The following KCNIP1 variants were observed in gnomAD, a reference collection of about 807,000 sequenced individuals.
The protein encoded by KCNIP1 is A-type potassium channel modulatory protein KCNIP1.
In KCNIP1, 18 loss-of-function variants were observed where a neutral mutation model predicts 33.0. That is an observed-to-expected ratio of 0.55 (90% CI 0.38 to 0.81). KCNIP1 has a LOEUF of 0.81. Among genes scored for constraint, KCNIP1 ranks in the 30% least tolerant of loss-of-function variants. The pLI is 0.00. For missense variants in KCNIP1, 238 were observed against 271.6 expected (o/e 0.88, Z 0.87); for synonymous variants, 93 against 98.3 (o/e 0.95, Z 0.32).
At chr5:170,437,832 C>T (rs537950272) in intron 1 of KCNIP1, among the ~76,000 whole-genome samples, 1 of 152,350 alleles carries the variant, frequency 6.6e-6, no homozygotes, top group African/African-American at 2.4e-5. Flanking sequence ...ACCTCTGGGC[C>T]TTTGCACAGC....
At chr5:170,562,564 T>C (rs879388882) in intron 1 of KCNIP1, among the ~76,000 whole-genome samples, 3 of 152,138 alleles carry the variant, frequency 2.0e-5, no homozygotes, top group Non-Finnish European at 4.4e-5. Flanking sequence ...GCTCAGTGGG[T>C]CCCCGCAAAT....
chr5:170,645,251 T>C (rs1467032893), intron 1 of KCNIP1, among the ~76,000 whole-genome samples: 2 of 152,206 alleles, frequency 1.3e-5, no homozygotes, highest in Non-Finnish European at 2.9e-5. Flanking sequence ...AGGCTTTAAA[T>C]GGGGAACAGG....
intron 1 of KCNIP1, among the ~76,000 whole-genome samples, chr5:170,574,161 A>G (rs1196648877): frequency 6.6e-6 from 1 of 152,180 alleles, no homozygotes; most frequent in Non-Finnish European, 1.5e-5. Context: ...AAGTCCTCAC[A>G]TTATTGTCTA....
Position 170,429,487 on chromosome 5 carries a change from A to G in KCNIP1, c.88+75523A>G, listed in dbSNP as rs1191378210. Among the ~76,000 whole-genome samples, 5 of 152,082 alleles carry G rather than the reference A, an allele frequency of 3.3e-5. No individual in the cohort carries two copies. The South Asian group carries it at 8.3e-4, about 25-fold the overall frequency. On this transcript the variant is annotated intron_variant, in intron 1 of 7. Coordinates refer to the KCNIP1 transcript ENST00000377360. ...TTTCAAATTCTTGTTGTACAAATTT[A>G]TGGGGGACATCTGCAGTTTTGTCAC... is the stretch of plus-strand genomic sequence containing the variant.
chr5:170,399,744 A>G (rs1333472217), intron 1 of KCNIP1, among the ~76,000 whole-genome samples: 2 of 152,216 alleles, frequency 1.3e-5, no homozygotes, highest in East Asian at 1.9e-4. Flanking sequence ...TCATGGCCCT[A>G]TAATAGTCCA....
intron 1 of KCNIP1, among the ~76,000 whole-genome samples, chr5:170,642,622 G>T (rs1466986642): frequency 6.6e-6 from 1 of 152,180 alleles, no homozygotes; most frequent in Non-Finnish European, 1.5e-5. Context: ...AAGGACAGAT[G>T]CGGGGAATCT....
intron 1 of KCNIP1, among the ~76,000 whole-genome samples, chr5:170,710,016 C>A (rs1261706603): frequency 6.6e-6 from 1 of 152,146 alleles, no homozygotes; most frequent in African/African-American, 2.4e-5. Flanking sequence ...TACAGGCGCG[C>A]ACCACCATGC....
At chr5:170,483,214 G>A (rs943010359) in intron 1 of KCNIP1, 1 of 381,024 alleles carries the variant, frequency 2.6e-6, no homozygotes, top group Non-Finnish European at 5.1e-6. Context: ...GAGGCAAGAG[G>A]AACCCAGGGT....
intron 1 of KCNIP1, among the ~76,000 whole-genome samples, chr5:170,538,876 T>C (rs1205491756): frequency 6.6e-6 from 1 of 151,728 alleles, no homozygotes; most frequent in East Asian, 2.0e-4. Flanking sequence ...ATTCAATGAG[T>C]CCATTTCTGG....
At chr5:170,679,103 T>C (rs1327851446) in intron 1 of KCNIP1, 1 of 152,214 alleles carries the variant, frequency 6.6e-6, no homozygotes, top group Non-Finnish European at 1.5e-5. Flanking sequence ...GGTTTTCTTC[T>C]GGGCAGATGG....
chr5:170,495,527 GT>G (rs1757293817), intron 1 of KCNIP1, among the ~76,000 whole-genome samples: 1 of 152,220 alleles, frequency 6.6e-6, no homozygotes, highest in African/African-American at 2.4e-5. Flanking sequence ...AAAAGCCAGG[GT>G]CTGCTCTCAG....
chr5:170,398,784 G>A (rs1027202677), intron 1 of KCNIP1, among the ~76,000 whole-genome samples: 4 of 152,186 alleles, frequency 2.6e-5, no homozygotes, highest in African/African-American at 9.7e-5. Flanking sequence ...TCTCAGCATG[G>A]GCAGGGGGTT....
rs756234062 is a variant in KCNIP1, at chr5:170,504,566, C to T, written c.-7C>T. The T allele has an allele frequency of 3.7e-6, 6 of 1,613,268 alleles. No homozygotes were observed. ...GGGTCCCAACTCGCACTCAAGTCTT[C>T]GCTGCCATGGGGGCCGTCATGGGCA... On this transcript the variant is annotated 5_prime_UTR_variant, in exon 1 of 8. Coordinates refer to ENST00000328939, the MANE Select transcript of KCNIP1 (RefSeq NM_014592.4). The surrounding 1 kb of genome is among the most constrained non-coding windows in gnomAD (Gnocchi z 6.0).
rs957772105 is a variant in KCNIP1 at position 170,646,455 on chromosome 5, G to A, written c.62-72303G>A. Among the ~76,000 whole-genome samples the A allele has an allele frequency of 4.7e-4, 72 of 152,122 alleles. 2 individuals carry two copies. The highest frequency in any genetic ancestry group is 1.5e-5 in the Non-Finnish European group (1 of 67,984). On this transcript the variant is annotated intron_variant, in intron 1 of 7. Transcript: ENST00000328939. ...GTCCAACATTTGAAAATCAGTTAAT[G>A]TAACCCATCACATCAACAGGCTAAA...
At chr5:170,384,928 G>A (rs139637108) in intron 1 of KCNIP1, among the ~76,000 whole-genome samples, 1 of 152,330 alleles carries the variant, frequency 6.6e-6, no homozygotes, top group Non-Finnish European at 1.5e-5. Context: ...ATGCCCACCT[G>A]ACAGGGAGGC....
chr5:170,637,131 C>T (rs1324166792), intron 1 of KCNIP1, among the ~76,000 whole-genome samples: 2 of 152,156 alleles, frequency 1.3e-5, no homozygotes, highest in Non-Finnish European at 2.9e-5. Context: ...GCATCGATTC[C>T]AGGCGTACCC....
chr5:170,528,388 C>T (rs1755658549), intron 1 of KCNIP1, among the ~76,000 whole-genome samples: 1 of 152,210 alleles, frequency 6.6e-6, no homozygotes, highest in Non-Finnish European at 1.5e-5. Flanking sequence ...GCAGGCCAGA[C>T]TTCAGTTCTG....
chr5:170,630,516 G>GCGTC (rs1477592033), intron 1 of KCNIP1, among the ~76,000 whole-genome samples: 2 of 152,222 alleles, frequency 1.3e-5, no homozygotes, highest in Non-Finnish European at 2.9e-5. Flanking sequence ...GAGCCCAGAG[G>GCGTC]CGTCCATCAG....
At chr5:170,726,455 T>C (rs1320742709) in intron 5 of KCNIP1, among the ~76,000 whole-genome samples, 1 of 152,002 alleles carries the variant, frequency 6.6e-6, no homozygotes, top group Admixed American at 6.6e-5. Context: ...ATGGCCACAA[T>C]TAAAAAGACT....
Sources: gnomAD v4.1 joint callset for allele counts (sites outside exome capture counted in the v4.1 genomes callset) on GRCh38, gnomAD v4.1.1 for gene constraint, Gnocchi (gnomAD v3.1) non-coding constraint, MANE v1.5 for transcripts, NCBI Gene and HGNC (gene_info 2026-07-23, HGNC 2026-07-21) for gene names.